PABPC4L: variants seen among roughly 807,000 people sequenced by gnomAD.
The protein encoded by PABPC4L is poly(A) binding protein cytoplasmic 4 like.
For missense variants in PABPC4L, 452 were observed against 451.4 expected, an observed-to-expected ratio of 1.00 and a Z score of -0.01; for synonymous variants, 169 against 164.1, an observed-to-expected ratio of 1.03 and a Z score of -0.23.
At chr4:133,968,500 CT>C in the PABPC4L span, among the ~76,000 whole-genome samples, 1 of 152,100 alleles carries the variant, frequency 6.6e-6, no homozygotes, top group African/African-American at 2.4e-5. Flanking sequence ...AGCAAAAGTT[CT>C]TAAACTTCAC....
chr4:134,081,239 T>C, the PABPC4L span, among the ~76,000 whole-genome samples: 1 of 151,826 alleles, frequency 6.6e-6, no homozygotes, highest in Non-Finnish European at 1.5e-5. Flanking sequence ...ATAGATGTGG[T>C]GGAATGGGGT....
the PABPC4L span, among the ~76,000 whole-genome samples, chr4:134,017,781 A>T: frequency 6.6e-6 from 1 of 151,496 alleles, no homozygotes; most frequent in East Asian, 2.0e-4. Context: ...CCACAATATC[A>T]CCCCTTACCA....
chr4:134,013,029 T>G, the PABPC4L span, among the ~76,000 whole-genome samples: 2 of 152,004 alleles, frequency 1.3e-5, no homozygotes, highest in Non-Finnish European at 2.9e-5. Context: ...GTTTCAGGGG[T>G]GTCAGACCAC....
chr4:134,052,699 A>T, the PABPC4L span, among the ~76,000 whole-genome samples: 1 of 149,364 alleles, frequency 6.7e-6, no homozygotes, highest in African/African-American at 2.5e-5. Flanking sequence ...TCTCCAATTT[A>T]AAAAAAAAAT....
the PABPC4L span, among the ~76,000 whole-genome samples, chr4:133,961,186 C>G: frequency 6.6e-6 from 1 of 152,136 alleles, no homozygotes; most frequent in Non-Finnish European, 1.5e-5. Context: ...GCCACCAGAA[C>G]AGGTGCTGGT....
the PABPC4L span, among the ~76,000 whole-genome samples, chr4:133,972,787 C>T: frequency 4.6e-5 from 7 of 152,022 alleles, no homozygotes; most frequent in South Asian, 4.1e-4. Context: ...CTCTGCTTAC[C>T]GACATAATAA....
chr4:134,021,051 A>G, the PABPC4L span, among the ~76,000 whole-genome samples: 2 of 152,148 alleles, frequency 1.3e-5, no homozygotes, highest in South Asian at 4.1e-4. Context: ...TGGCAGCCCA[A>G]GGCTTGTATG....
chr4:134,082,364 CAT>C, the PABPC4L span, among the ~76,000 whole-genome samples: 2 of 151,946 alleles, frequency 1.3e-5, no homozygotes, highest in Non-Finnish European at 2.9e-5. Context: ...GGGAGTCAGA[CAT>C]GTAGGCCAGT....
chr4:134,075,199 T>C, the PABPC4L span, among the ~76,000 whole-genome samples: 1 of 152,130 alleles, frequency 6.6e-6, no homozygotes, highest in Admixed American at 6.5e-5. Context: ...AAGTGTCTGA[T>C]GTCAATGTAG....
At chr4:134,154,373 C>T in the PABPC4L span, among the ~76,000 whole-genome samples, 107,540 of 151,792 alleles carry the variant, frequency 0.71, 39,688 homozygotes, top group East Asian at 1. Flanking sequence ...CGAGAATTGT[C>T]TGAACCCTGG....
the PABPC4L span, among the ~76,000 whole-genome samples, chr4:134,095,558 T>C: frequency 6.6e-6 from 1 of 152,018 alleles, no homozygotes; most frequent in Admixed American, 6.6e-5. Flanking sequence ...AGTGATCACA[T>C]ATTGCATCCT....
chr4:134,122,273 T>C, the PABPC4L span, among the ~76,000 whole-genome samples: 4 of 151,892 alleles, frequency 2.6e-5, no homozygotes, highest in Admixed American at 2.0e-4. Flanking sequence ...TTTGCACATA[T>C]GACTGTATTG....
the PABPC4L span, among the ~76,000 whole-genome samples, chr4:134,050,525 C>T: frequency 6.6e-6 from 1 of 151,610 alleles, no homozygotes; most frequent in Non-Finnish European, 1.5e-5. Flanking sequence ...GCCAACAGGG[C>T]GAAACTCCTT....
the PABPC4L span, among the ~76,000 whole-genome samples, chr4:134,162,877 A>G: frequency 2.0e-5 from 3 of 152,174 alleles, no homozygotes; most frequent in Non-Finnish European, 2.9e-5. Flanking sequence ...GCTAAGAGGA[A>G]CGTTTATAGT....
At chr4:134,185,398 A>G in the PABPC4L span, among the ~76,000 whole-genome samples, 1 of 152,114 alleles carries the variant, frequency 6.6e-6, no homozygotes. Context: ...GAAATCAATA[A>G]ACGTAATCCA....
At chr4:134,002,091 C>A in the PABPC4L span, among the ~76,000 whole-genome samples, 1 of 148,780 alleles carries the variant, frequency 6.7e-6, no homozygotes, top group Non-Finnish European at 1.5e-5. Flanking sequence ...GTTCTCTATT[C>A]TCCAATATGT....
chr4:133,996,357 C>A, the PABPC4L span, among the ~76,000 whole-genome samples: 1 of 152,134 alleles, frequency 6.6e-6, no homozygotes, highest in Non-Finnish European at 1.5e-5. Context: ...ATCTAGCAAG[C>A]CTTATTCTGA....
chr4:133,955,351 C>T, the PABPC4L span, among the ~76,000 whole-genome samples: 1 of 151,862 alleles, frequency 6.6e-6, no homozygotes, highest in Non-Finnish European at 1.5e-5. Context: ...TAATATTATG[C>T]TCATAATTTA....
chr4:134,170,811 A>G, the PABPC4L span, among the ~76,000 whole-genome samples: 9 of 152,134 alleles, frequency 5.9e-5, no homozygotes, highest in African/African-American at 1.9e-4. Flanking sequence ...GATTCAGACA[A>G]TATCATAGAA....
Sources: allele counts gnomAD v4.1 joint callset (sites outside exome capture counted in the v4.1 genomes callset), GRCh38; gene constraint gnomAD v4.1.1; transcripts MANE v1.5; gene names NCBI Gene and HGNC (gene_info 2026-07-23, HGNC 2026-07-21).